The following EPB41L4B variants were observed in gnomAD, a reference collection of about 807,000 sequenced individuals.
EPB41L4B encodes erythrocyte membrane protein band 4.1 like 4B, also known as band 4.1-like protein 4B.
Under a neutral mutation model 112.5 loss-of-function variants are expected in EPB41L4B, and 30 were observed. The ratio of observed to expected loss-of-function variants is 0.27; its 90% CI spans 0.20 to 0.36. The LOEUF (loss-of-function observed/expected upper bound fraction) is 0.36, where lower values mean the gene tolerates loss of function less well. Among genes scored for constraint, EPB41L4B ranks in the 10% least tolerant of loss-of-function variants. EPB41L4B has a pLI of 1.00. For missense variants in EPB41L4B, 1,024 were observed against 1,133.3 expected (o/e 0.90, Z 1.38); for synonymous variants, 408 against 439.7 (o/e 0.93, Z 0.90).
chr9:109,278,272 TG>T (rs1564314663), intron 2 of EPB41L4B, among the ~76,000 whole-genome samples: 2 of 151,728 alleles, frequency 1.3e-5, no homozygotes, highest in South Asian at 4.2e-4. Context: ...GGACACAGTT[TG>T]GGGGTGGGGT....
chr9:109,217,525 C>T (rs1833419256), intron 15 of EPB41L4B, among the ~76,000 whole-genome samples: 1 of 152,146 alleles, frequency 6.6e-6, no homozygotes, highest in Non-Finnish European at 1.5e-5. Flanking sequence ...AGTTTCTCTT[C>T]CTCTCTGTCA....
rs1834981769 is a variant in EPB41L4B, at chr9:109,256,317, T to A, written c.840+76A>T. On this transcript the variant is annotated intron_variant, in intron 8 of 25. Coordinates refer to ENST00000374566, the MANE Select transcript of EPB41L4B (RefSeq NM_019114.5). ...GCAAAAACAGTTTCCTCACCACAAGTTATTTTGTTTGCATAATGTTCATAC... is the reference window on the plus strand; with the variant it reads ...GCAAAAACAGTTTCCTCACCACAAGATATTTTGTTTGCATAATGTTCATAC... 4.4e-6 allele frequency: 7 copies of A among 1,591,336 alleles called. No homozygotes were observed. The South Asian group carries it at 7.8e-5, about 18-fold the overall frequency.
At chr9:109,194,504 G>C (rs1183320519) in intron 20 of EPB41L4B, 107 bp from the exon 21 acceptor site, 3 of 1,239,460 alleles carry the variant, frequency 2.4e-6, no homozygotes, top group South Asian at 1.5e-5. Flanking sequence ...ATGGGGATTG[G>C]GGGTTCCCAA....
intron 15 of EPB41L4B, among the ~76,000 whole-genome samples, chr9:109,226,483 T>C (rs995893468): frequency 6.6e-6 from 1 of 151,738 alleles, no homozygotes; most frequent in African/African-American, 2.4e-5. Context: ...AGTTTCTTAG[T>C]TTTTTCAGCC....
chr9:109,260,024 G>A (rs1383050175), intron 6 of EPB41L4B, among the ~76,000 whole-genome samples: 1 of 152,148 alleles, frequency 6.6e-6, no homozygotes, highest in Non-Finnish European at 1.5e-5. Flanking sequence ...GGGGCACGGA[G>A]GGACAATGTA....
At chr9:109,263,917 C>G (rs1835306789) in intron 5 of EPB41L4B, among the ~76,000 whole-genome samples, 1 of 152,174 alleles carries the variant, frequency 6.6e-6, no homozygotes, top group African/African-American at 2.4e-5. Context: ...GGCTAAACTG[C>G]ATGTAAACTA....
rs765772015 is a variant in EPB41L4B at position 109,185,624 on chromosome 9, G to C, written c.2302-19C>G. ...GCTCTGCCTGCTCACGAGGAGAGGA[G>C]AGAAGGGGAGGAGGAGGTGGCAAGA... On this transcript the variant is annotated intron_variant, in intron 22 of 25. Coordinates refer to ENST00000374566, the MANE Select transcript of EPB41L4B (RefSeq NM_019114.5). The C allele has an allele frequency of 1.3e-6, 2 of 1,584,134 alleles. No homozygotes were observed. Among genetic ancestry groups the C allele is most frequent in the African/African-American group, 2.7e-5 (2 of 74,208 alleles).
intron 15 of EPB41L4B, among the ~76,000 whole-genome samples, chr9:109,229,603 C>G (rs184253477): frequency 1.1e-3 from 171 of 152,282 alleles, no homozygotes; most frequent in African/African-American, 3.9e-3. Context: ...CACAAGTTCT[C>G]CACACACCTT....
intron 5 of EPB41L4B, among the ~76,000 whole-genome samples, chr9:109,264,209 CAT>C (rs1437283973): frequency 6.6e-6 from 1 of 152,196 alleles, no homozygotes; most frequent in Non-Finnish European, 1.5e-5. Flanking sequence ...TTTTATAGCA[CAT>C]ATTCTATGGA....
In EPB41L4B at chr9:109,320,520, C is replaced by A; in HGVS notation, c.-74G>T. 1.3e-6 allele frequency: 1 copy of A among 798,174 alleles called. No homozygotes were observed. The highest frequency in any genetic ancestry group is 1.5e-6 in the Non-Finnish European group (1 of 671,082). The allele number at this position is 798,174 out of a possible 1,614,324, so 49.4% of individuals were successfully genotyped here. ...CTGCCGCTGCCGCTGCGCCGCCGCC[C>A]GGGAGCGTCCCGCGACGCCGTCAGT... On this transcript the variant is annotated 5_prime_UTR_variant, in exon 1 of 26. Transcript: ENST00000374566.
rs539727519 is a variant in EPB41L4B at position 109,177,685 on chromosome 9, C to T, written c.2488-989G>A. Among the ~76,000 whole-genome samples the T allele has an allele frequency of 5.3e-5, 8 of 151,970 alleles. No homozygotes were observed. In the East Asian group the frequency reaches 5.9e-4, roughly 11 times the overall value. On this transcript the variant is annotated intron_variant, in intron 24 of 25. Coordinates refer to ENST00000374566, the MANE Select transcript of EPB41L4B (RefSeq NM_019114.5). ...AAAAATACAAAAAATCAGCCGGGCA[C>T]GCTGGCGCACGCCTGTAATCCCAGC... is the stretch of plus-strand genomic sequence containing the variant.
chr9:109,269,475 T>C (rs1158792391), intron 2 of EPB41L4B, among the ~76,000 whole-genome samples: 2 of 152,204 alleles, frequency 1.3e-5, no homozygotes, highest in Non-Finnish European at 1.5e-5. Flanking sequence ...TTTAGGAGCA[T>C]TCTACTGAGC....
intron 22 of EPB41L4B, among the ~76,000 whole-genome samples, chr9:109,186,533 C>T (rs1832272205): frequency 6.6e-6 from 1 of 151,818 alleles, no homozygotes; most frequent in Non-Finnish European, 1.5e-5. Flanking sequence ...GGAGTGCAGT[C>T]GTGTGATCAC....
rs927602196 is a variant in EPB41L4B at position 109,299,442 on chromosome 9, AT to A, written c.307-19522del. Among the ~76,000 whole-genome samples the A allele has an allele frequency of 8.6e-5, 13 of 151,720 alleles. 1 individual carries two copies. Among genetic ancestry groups the A allele is most frequent in the African/African-American group, 2.9e-4 (12 of 41,360 alleles). On this transcript the variant is annotated intron_variant, in intron 1 of 25. Coordinates refer to ENST00000374566, the MANE Select transcript of EPB41L4B (RefSeq NM_019114.5). ...AGGCATGCACCACCATGCCTAGCTGATTTTTTTTCCTTTATGTTGAGATGGT... is the reference window on the plus strand; with the variant it reads ...AGGCATGCACCACCATGCCTAGCTGATTTTTTTCCTTTATGTTGAGATGGT...
At chr9:109,298,322 T>TC (rs977375008) in intron 1 of EPB41L4B, among the ~76,000 whole-genome samples, 10 of 151,296 alleles carry the variant, frequency 6.6e-5, no homozygotes, top group Non-Finnish European at 1.3e-4. Context: ...GCTTTTTTTT[T>TC]TTTTTCCCCA....
chr9:109,211,104 A>G (rs769946148), intron 17 of EPB41L4B, among the ~76,000 whole-genome samples: 2 of 152,194 alleles, frequency 1.3e-5, no homozygotes, highest in Non-Finnish European at 2.9e-5. Flanking sequence ...TGAAAATGAC[A>G]TCTCACCATT....
intron 1 of EPB41L4B, among the ~76,000 whole-genome samples, chr9:109,308,377 G>C (rs1837295152): frequency 6.6e-6 from 1 of 152,082 alleles, no homozygotes; most frequent in Non-Finnish European, 1.5e-5. Flanking sequence ...CCAATGTTGA[G>C]GATGCAATCA....
chr9:109,237,675 G>A (rs1384214288), intron 15 of EPB41L4B, among the ~76,000 whole-genome samples: 6 of 152,146 alleles, frequency 3.9e-5, no homozygotes, highest in Non-Finnish European at 8.8e-5. Context: ...GACCACTGGA[G>A]GGGGTGTGTT....
At chr9:109,224,652 A>G (rs1833700305) in intron 15 of EPB41L4B, among the ~76,000 whole-genome samples, 1 of 152,188 alleles carries the variant, frequency 6.6e-6, no homozygotes, top group South Asian at 2.1e-4. Flanking sequence ...AACTTGGTGA[A>G]AATACTAAAA....
Sources: allele counts gnomAD v4.1 joint callset (sites outside exome capture counted in the v4.1 genomes callset), GRCh38; gene constraint gnomAD v4.1.1; transcripts MANE v1.5; gene names NCBI Gene and HGNC (gene_info 2026-07-23, HGNC 2026-07-21).